PALLD: variants seen among roughly 807,000 people sequenced by gnomAD.
The protein encoded by PALLD is palladin.
PALLD carries 61 observed loss-of-function variants against 123.5 expected under a neutral mutation model. The ratio of observed to expected loss-of-function variants is 0.49; its 90% CI spans 0.40 to 0.61. PALLD has a LOEUF of 0.61. Among genes scored for constraint, PALLD ranks in the 20% least tolerant of loss-of-function variants. PALLD has a pLI of 0.00. For missense variants in PALLD, 1,273 were observed against 1,377.0 expected (o/e 0.92, Z 1.20); for synonymous variants, 465 against 496.4 (o/e 0.94, Z 0.84).
chr4:168,915,151 T>C (rs1759847014), intron 16 of PALLD, among the ~76,000 whole-genome samples: 1 of 152,254 alleles, frequency 6.6e-6, no homozygotes, highest in Non-Finnish European at 1.5e-5. Context: ...CTAATAATTA[T>C]TAGCCTAGTA....
intron 8 of PALLD, among the ~76,000 whole-genome samples, chr4:168,692,160 A>C (rs150490303): frequency 6.6e-6 from 1 of 151,618 alleles, no homozygotes; most frequent in East Asian, 1.9e-4. Flanking sequence ...CCTTGCTCTG[A>C]CTCTTCTTGG....
chr4:168,531,977 T>A (rs1764648769), intron 2 of PALLD, among the ~76,000 whole-genome samples: 1 of 152,168 alleles, frequency 6.6e-6, no homozygotes, highest in Admixed American at 6.5e-5. Context: ...AGGGCAGATT[T>A]GTTGCACAGG....
rs1327992498 is a variant in PALLD at position 168,703,479 on chromosome 4, G to T, written c.1502-5549G>T. Among the ~76,000 whole-genome samples, 2 of 120,142 alleles carry T rather than the reference G, an allele frequency of 1.7e-5. 1 individual carries two copies. The highest frequency in any genetic ancestry group is 8.8e-5 in the African/African-American group (2 of 22,724). 78.8% of individuals were successfully genotyped at this position (120,142 alleles called of 152,430 possible). On this transcript the variant is annotated intron_variant, in intron 8 of 21. Coordinates refer to ENST00000505667, the MANE Select transcript of PALLD (RefSeq NM_001166108.2). The stretch of plus-strand genomic sequence containing the variant: ...TCCAGTTCTAGATCCCTGAGGAATC[G>T]CCACACTGACTTCCGCAATGGTTGA...
At chr4:168,767,463 C>T (rs1733825857) in intron 10 of PALLD, among the ~76,000 whole-genome samples, 1 of 152,044 alleles carries the variant, frequency 6.6e-6, no homozygotes, top group Admixed American at 6.6e-5. Context: ...TAGGCTAATA[C>T]CAGTAAATTA....
intron 2 of PALLD, among the ~76,000 whole-genome samples, chr4:168,546,690 G>A (rs191491290): frequency 2.0e-5 from 3 of 152,256 alleles, no homozygotes; most frequent in South Asian, 2.1e-4. Flanking sequence ...CCGCTGATAC[G>A]TGTACTATAA....
At chr4:168,917,983 G>A (rs1760559123) in intron 17 of PALLD, among the ~76,000 whole-genome samples, 1 of 151,860 alleles carries the variant, frequency 6.6e-6, no homozygotes, top group Admixed American at 6.6e-5. Context: ...GGCGGATCAC[G>A]AGGTCAGGAG....
intron 2 of PALLD, among the ~76,000 whole-genome samples, chr4:168,590,749 C>G (rs1771316388): frequency 6.6e-6 from 1 of 151,760 alleles, no homozygotes; most frequent in Non-Finnish European, 1.5e-5. Flanking sequence ...AACTGACCTA[C>G]TCTATAACTA....
intron 10 of PALLD, among the ~76,000 whole-genome samples, chr4:168,848,746 C>T (rs2150965808): frequency 6.6e-6 from 1 of 152,226 alleles, no homozygotes. Flanking sequence ...AATAATGATC[C>T]TAAATCAGTC....
intron 21 of PALLD, 47 bp from the exon 22 acceptor site, chr4:168,926,166 C>G: frequency 7.1e-7 from 1 of 1,401,298 alleles, no homozygotes; most frequent in Non-Finnish European, 9.5e-7. Context: ...AAAGGCTTTC[C>G]AAGTATATCT....
chr4:168,711,998 T>C, intron 10 of PALLD, 75 bp downstream of exon 10: 1 of 1,318,522 alleles, frequency 7.6e-7, no homozygotes, highest in Non-Finnish European at 1.1e-6. Context: ...AAAAAAACTT[T>C]TGCCTGTATT....
At chr4:168,553,030 C>T (rs974944641) in intron 2 of PALLD, among the ~76,000 whole-genome samples, 21 of 152,222 alleles carry the variant, frequency 1.4e-4, no homozygotes, top group Non-Finnish European at 4.4e-5. Flanking sequence ...ATCCAACAAC[C>T]TATAACCCTA....
At chr4:168,737,926 G>GACAGCAGCAGCTGTGAGGCTCATCT (rs1787926341) in intron 10 of PALLD, among the ~76,000 whole-genome samples, 1 of 152,216 alleles carries the variant, frequency 6.6e-6, no homozygotes, top group South Asian at 2.1e-4. Context: ...GCTGACCAGA[G>GACAGCAGCAGCTGTGAGGCTCATCT]ACAGCAGCAG....
At chr4:168,858,145 AG>A (rs955797662) in intron 10 of PALLD, among the ~76,000 whole-genome samples, 5 of 152,296 alleles carry the variant, frequency 3.3e-5, no homozygotes, top group Admixed American at 2.0e-4. Flanking sequence ...ATTTTCATGG[AG>A]GGGGGCCAGG....
intron 10 of PALLD, among the ~76,000 whole-genome samples, chr4:168,713,371 T>C (rs1236886732): frequency 6.6e-6 from 1 of 152,242 alleles, no homozygotes; most frequent in African/African-American, 2.4e-5. Flanking sequence ...TTTGAATATG[T>C]ATTTGCAGTG....
chr4:168,561,000 A>G (rs1392812180), intron 2 of PALLD, among the ~76,000 whole-genome samples: 1 of 152,210 alleles, frequency 6.6e-6, no homozygotes, highest in Non-Finnish European at 1.5e-5. Context: ...GTGGAAAAGT[A>G]GGAAAACACA....
chr4:168,733,798 T>C (rs970374566), intron 10 of PALLD, among the ~76,000 whole-genome samples: 2 of 152,134 alleles, frequency 1.3e-5, no homozygotes, highest in Non-Finnish European at 2.9e-5. Flanking sequence ...CAGTGGGTGC[T>C]ATCTTGGCTC....
intron 2 of PALLD, among the ~76,000 whole-genome samples, chr4:168,651,088 GC>G (rs1341275815): frequency 6.6e-6 from 1 of 152,126 alleles, no homozygotes; most frequent in Non-Finnish European, 1.5e-5. Context: ...ATGCAAGAAG[GC>G]AAAAGGTTCA....
chr4:168,560,567 T>G (rs772912066), intron 2 of PALLD, among the ~76,000 whole-genome samples: 1 of 152,218 alleles, frequency 6.6e-6, no homozygotes, highest in Non-Finnish European at 1.5e-5. Flanking sequence ...CCAAATGAAT[T>G]AAATGATCCT....
At chr4:168,812,540 G>A (rs1280635812) in intron 10 of PALLD, among the ~76,000 whole-genome samples, 1 of 152,190 alleles carries the variant, frequency 6.6e-6, no homozygotes, top group Non-Finnish European at 1.5e-5. Context: ...TCTGAGTCAT[G>A]GCCAGATGTC....
Sources: allele counts gnomAD v4.1 joint callset (sites outside exome capture counted in the v4.1 genomes callset), GRCh38; gene constraint gnomAD v4.1.1; transcripts MANE v1.5; gene names NCBI Gene and HGNC (gene_info 2026-07-23, HGNC 2026-07-21).